Variants in SLC6A3 observed in about 807,000 individuals in gnomAD.
SLC6A3 encodes the protein solute carrier family 6 member 3, also known as sodium-dependent dopamine transporter.
Under a neutral mutation model 70.4 loss-of-function variants are expected in SLC6A3, and 19 were observed. The ratio of observed to expected loss-of-function variants is 0.27; its 90% CI spans 0.19 to 0.40. SLC6A3 has a LOEUF of 0.40. Among genes scored for constraint, SLC6A3 ranks in the 10% least tolerant of loss-of-function variants. The pLI, the probability that SLC6A3 is intolerant of heterozygous loss-of-function variation, is 1.00. For missense variants in SLC6A3, 613 were observed against 838.5 expected, an observed-to-expected ratio of 0.73 and a Z score of 3.32; for synonymous variants, 368 against 356.6, an observed-to-expected ratio of 1.03 and a Z score of -0.36.
intron 6 of SLC6A3, among the ~76,000 whole-genome samples, chr5:1,420,141 T>C (rs1756399932): frequency 6.6e-6 from 1 of 152,176 alleles, no homozygotes; most frequent in South Asian, 2.1e-4. Context: ...GTCCACCTGA[T>C]TTCCAACGAT....
chr5:1,406,482 C>T lies in SLC6A3; in HGVS notation c.1499-194G>A, dbSNP rs376330987. On this transcript the variant is annotated intron_variant, in intron 11 of 14. Transcript: ENST00000270349. The surrounding 1 kb of genome is among the most constrained non-coding windows in gnomAD (Gnocchi z 8.8). ...TGCCTCGCTGACGGGTGGGAGCCCA[C>T]GTGCCTGCTCCACCCTGGAGATGCA... 6.6e-6 allele frequency among the ~76,000 whole-genome samples: 1 copy of T among 152,172 alleles called. No homozygotes were observed. Among genetic ancestry groups the T allele is most frequent in the Admixed American group, 6.5e-5 (1 of 15,286 alleles).
chr5:1,444,714 G>T (rs1733757334), intron 1 of SLC6A3, among the ~76,000 whole-genome samples: 1 of 152,226 alleles, frequency 6.6e-6, no homozygotes, highest in South Asian at 2.1e-4. Context: ...GCAAGCCGCC[G>T]CCGCCCTGGG....
chr5:1,431,849 T>C (rs1198924774), intron 4 of SLC6A3, among the ~76,000 whole-genome samples: 2 of 152,062 alleles, frequency 1.3e-5, no homozygotes, highest in Non-Finnish European at 2.9e-5. Flanking sequence ...TACGCTGGCA[T>C]GGGAGGTGGA....
chr5:1,410,018 G>A (rs748475831), intron 9 of SLC6A3, among the ~76,000 whole-genome samples, 169 bp from the exon 10 acceptor site: 2 of 152,226 alleles, frequency 1.3e-5, no homozygotes, highest in Non-Finnish European at 2.9e-5. Flanking sequence ...AGCTGTTGGC[G>A]AGGGCTTCTA....
chr5:1,394,420 C>CAGGG lies in SLC6A3; in HGVS notation c.*311_*314dup. On this transcript the variant is annotated 3_prime_UTR_variant, in exon 15 of 15. Coordinates refer to ENST00000270349, the MANE Select transcript of SLC6A3 (RefSeq NM_001044.5). The surrounding 1 kb of genome is among the most constrained non-coding windows in gnomAD (Gnocchi z 4.7). ...CAGCCTCAGAGCCGGGAGCAGGGAG[C>CAGGG]AGGGAGGGAGGGAGCCTCACACAGA... 5.8e-6 allele frequency: 3 copies of CAGGG among 514,290 alleles called. No homozygotes were observed. Among genetic ancestry groups the CAGGG allele is most frequent in the South Asian group, 4.4e-5 (2 of 45,678 alleles). The allele number at this position is 514,290 out of a possible 1,614,324, so 31.9% of individuals were successfully genotyped here.
intron 3 of SLC6A3, 101 bp downstream of exon 3, chr5:1,441,258 A>G: frequency 3.5e-6 from 5 of 1,447,284 alleles, no homozygotes; most frequent in Non-Finnish European, 4.8e-6. Flanking sequence ...TTAGCAAAGC[A>G]GGGCTGGATG....
intron 4 of SLC6A3, among the ~76,000 whole-genome samples, chr5:1,431,443 G>A (rs1326167940): frequency 2.0e-5 from 3 of 152,118 alleles, no homozygotes; most frequent in African/African-American, 7.2e-5. Flanking sequence ...GGCTGGTCGG[G>A]GTGGACTGTA....
In SLC6A3 at chr5:1,394,591, A is replaced by G; in HGVS notation, c.*144T>C. On this transcript the variant is annotated 3_prime_UTR_variant, in exon 15 of 15. Coordinates refer to ENST00000270349, the MANE Select transcript of SLC6A3 (RefSeq NM_001044.5). The surrounding 1 kb of genome is among the most constrained non-coding windows in gnomAD (Gnocchi z 4.7). ...AAGGTGTAAACAGTCAGAAGAGAGGAGTCTTCTGCTTTGTTGTTTGTGTTT... is the reference window on the plus strand; with the variant it reads ...AAGGTGTAAACAGTCAGAAGAGAGGGGTCTTCTGCTTTGTTGTTTGTGTTT... The G allele has an allele frequency of 1.2e-6, 1 of 824,596 alleles. No individual in the cohort carries two copies. The highest frequency in any genetic ancestry group is 2.1e-6 in the Non-Finnish European group (1 of 469,368). 51.1% of individuals were successfully genotyped at this position (824,596 alleles called of 1,614,324 possible).
rs148848200 is a variant in SLC6A3 at position 1,394,459 on chromosome 5, G to A, written c.*276C>T. 482 of 580,414 alleles carry A rather than the reference G, an allele frequency of 8.3e-4. 2 individuals carry two copies. Among genetic ancestry groups the A allele is most frequent in the Admixed American group, 1.4e-3 (49 of 35,106 alleles). The allele number at this position is 580,414 out of a possible 1,614,324, so 36.0% of individuals were successfully genotyped here. A position where few individuals can be genotyped will look rare whatever the true frequency, so the allele number is the denominator to read the frequency against. On this transcript the variant is annotated 3_prime_UTR_variant, in exon 15 of 15. Coordinates refer to ENST00000270349, the MANE Select transcript of SLC6A3 (RefSeq NM_001044.5). The surrounding 1 kb of genome is among the most constrained non-coding windows in gnomAD (Gnocchi z 4.7). Reference sequence around the variant, plus strand: ...GCCTCACACAGACAGCATGAAGTTAGACGTTTTTCTGCCCTGCAGGGACAA... The same window carrying A: ...GCCTCACACAGACAGCATGAAGTTAAACGTTTTTCTGCCCTGCAGGGACAA...
At position 1,406,179 on chromosome 5, in the gene SLC6A3, G is replaced by A. The variant is rs761419394; in HGVS notation, c.1599+9C>T. 3.7e-6 allele frequency: 6 copies of A among 1,603,874 alleles called. No homozygotes were observed. In the South Asian group the frequency reaches 6.6e-5, roughly 18 times the overall value. On this transcript the variant is annotated intron_variant, in intron 12 of 14. Coordinates refer to ENST00000270349, the MANE Select transcript of SLC6A3 (RefSeq NM_001044.5). This position sits in a 1 kb window ranked among gnomAD's most constrained non-coding sequence, Gnocchi z 8.8. ...ACGGGGGAAGGGCAGGTGGCCCGAG[G>A]TCCCTTACCAGGAGAAAGCAGGGGC...
chr5:1,403,151 G>A (rs543603408), intron 12 of SLC6A3, 62 bp from the exon 13 acceptor site: 3 of 1,568,198 alleles, frequency 1.9e-6, no homozygotes, highest in African/African-American at 2.7e-5. Context: ...ACAAAGCAGG[G>A]AGCGGGCAGG....
At position 1,434,914 on chromosome 5, in the gene SLC6A3, T is replaced by C. The variant is rs114079989; in HGVS notation, c.419-2216A>G. ...TTTTAAACAAATCTAAGATCAGGAG[T>C]GCGGGTAATCCCCCTTGGAAAGCAT... On this transcript the variant is annotated intron_variant, in intron 3 of 14. Transcript: ENST00000270349. 4.1e-3 allele frequency among the ~76,000 whole-genome samples: 629 copies of C among 152,166 alleles called. 9 individuals carry two copies. The highest frequency in any genetic ancestry group is 0.014 in the African/African-American group (592 of 41,512).
At position 1,442,325 on chromosome 5, in the gene SLC6A3, A is replaced by C. The variant is rs1423098979; in HGVS notation, c.286+587T>G. Among the ~76,000 whole-genome samples, 1 of 151,738 alleles carries C rather than the reference A, an allele frequency of 6.6e-6. No homozygotes were observed. The highest frequency in any genetic ancestry group is 1.5e-5 in the Non-Finnish European group (1 of 67,862). ...TCCCCAGGCCTCCCTTCCCAGACCTAGCATAGAGGCCAATGAGGGAGGCCA... is the reference window on the plus strand; with the variant it reads ...TCCCCAGGCCTCCCTTCCCAGACCTCGCATAGAGGCCAATGAGGGAGGCCA... On this transcript the variant is annotated intron_variant, in intron 2 of 14. Coordinates refer to ENST00000270349, the MANE Select transcript of SLC6A3 (RefSeq NM_001044.5). The surrounding 1 kb of genome is among the most constrained non-coding windows in gnomAD (Gnocchi z 5.0).
chr5:1,422,050 G>T, intron 4 of SLC6A3, 36 bp from the exon 5 acceptor site: 1 of 1,601,200 alleles, frequency 6.2e-7, no homozygotes. Context: ...TCTGTGGGTG[G>T]CTGTCAACCC....
chr5:1,438,022 C>T lies in SLC6A3; in HGVS notation c.418+3337G>A, dbSNP rs1756880459. Among the ~76,000 whole-genome samples the T allele has an allele frequency of 6.6e-6, 1 of 152,230 alleles. No homozygotes were observed. The highest frequency in any genetic ancestry group is 2.4e-5 in the African/African-American group (1 of 41,462). ...GCAATGTCAGTCTCCTCTAAACTGG[C>T]ATCCTGCGCTTGACAGGTAGGCAGA... On this transcript the variant is annotated intron_variant, in intron 3 of 14. Transcript: ENST00000270349. The surrounding 1 kb of genome is among the most constrained non-coding windows in gnomAD (Gnocchi z 6.5).
chr5:1,428,768 A>G (rs365663), intron 4 of SLC6A3, among the ~76,000 whole-genome samples: 82,247 of 152,052 alleles, frequency 0.54, 22,860 homozygotes, highest in South Asian at 0.66. Flanking sequence ...AGGAAGCACC[A>G]TTAGTGGGGC....
At chr5:1,429,733 C>A (rs770903399) in intron 4 of SLC6A3, among the ~76,000 whole-genome samples, 1 of 152,212 alleles carries the variant, frequency 6.6e-6, no homozygotes, top group Non-Finnish European at 1.5e-5. Context: ...GGCACCTCTG[C>A]GGCCACTGCC....
At position 1,393,923 on chromosome 5, in the gene SLC6A3, G is replaced by C. The variant is rs985325406; in HGVS notation, c.*812C>G. 6.7e-6 allele frequency: 1 copy of C among 149,346 alleles called. No individual in the cohort carries two copies. The allele number at this position is 149,346 out of a possible 1,614,324, so 9.3% of individuals were successfully genotyped here. A position where few individuals can be genotyped will look rare whatever the true frequency, so the allele number is the denominator to read the frequency against. ...ATGCTCCTGTGGGGGCCCTGCATGC[G>C]TCCGGGGATAGGACACGCTCCTGTG... On this transcript the variant is annotated 3_prime_UTR_variant, in exon 15 of 15. Transcript: ENST00000270349.
intron 4 of SLC6A3, among the ~76,000 whole-genome samples, chr5:1,422,825 G>A (rs1394519756): frequency 1.4e-5 from 1 of 73,682 alleles, no homozygotes. Flanking sequence ...TGCCCACAGT[G>A]CTGCCCACGC....
Sources: gnomAD v4.1 joint callset for allele counts (sites outside exome capture counted in the v4.1 genomes callset) on GRCh38, gnomAD v4.1.1 for gene constraint, Gnocchi (gnomAD v3.1) non-coding constraint, MANE v1.5 for transcripts, NCBI Gene and HGNC (gene_info 2026-07-23, HGNC 2026-07-21) for gene names.